Variants in ADGRV1 observed in about 807,000 individuals in gnomAD.
The protein encoded by ADGRV1 is adhesion G protein-coupled receptor V1.
ADGRV1 carries 359 observed loss-of-function variants against 596.2 expected under a neutral mutation model. That is an observed-to-expected ratio of 0.60 (90% CI 0.55 to 0.66). ADGRV1 has a LOEUF of 0.66. ADGRV1 is among the 30% of genes least tolerant of loss of function. ADGRV1 has a pLI of 0.00. For missense variants in ADGRV1, 7,274 were observed against 7,575.6 expected, an observed-to-expected ratio of 0.96 and a Z score of 1.48; for synonymous variants, 2,681 against 2,679.2, an observed-to-expected ratio of 1.00 and a Z score of -0.02.
chr5:90,587,667 C>T (rs1758947703), intron 1 of ADGRV1, among the ~76,000 whole-genome samples: 1 of 151,498 alleles, frequency 6.6e-6, no homozygotes, highest in Non-Finnish European at 1.5e-5. Context: ...AGCTATTCCT[C>T]CTGCTTCAGC....
intron 2 of ADGRV1, 40 bp downstream of exon 2, chr5:90,615,059 A>G (rs1341833301): frequency 6.4e-6 from 8 of 1,250,724 alleles, no homozygotes; most frequent in Middle Eastern, 5.0e-4. Flanking sequence ...TGAAATAGAT[A>G]TGACGTTTCT....
At chr5:90,664,981 T>C (rs1771058542) in intron 21 of ADGRV1, among the ~76,000 whole-genome samples, 1 of 152,016 alleles carries the variant, frequency 6.6e-6, no homozygotes. Context: ...TCATGGTAGA[T>C]AAGCTTTTTG....
At chr5:90,781,307 A>C in intron 64 of ADGRV1, 123 bp from the exon 65 acceptor site, 2 of 744,920 alleles carry the variant, frequency 2.7e-6, no homozygotes, top group Non-Finnish European at 4.7e-6. Context: ...CTTTAAAAGT[A>C]TTGCAGTACT....
chr5:90,600,309 C>G (rs573853400), intron 1 of ADGRV1, among the ~76,000 whole-genome samples: 1 of 152,302 alleles, frequency 6.6e-6, no homozygotes, highest in South Asian at 2.1e-4. Context: ...CCCCCTTCCC[C>G]CCACCTCACA....
At chr5:91,113,972 A>G (rs1026217584) in intron 87 of ADGRV1, among the ~76,000 whole-genome samples, 7 of 152,144 alleles carry the variant, frequency 4.6e-5, no homozygotes, top group African/African-American at 1.7e-4. Flanking sequence ...TAATCCCAGC[A>G]CTTTGGGAAG....
At chr5:90,939,589 G>A (rs1288386130) in intron 83 of ADGRV1, among the ~76,000 whole-genome samples, 1 of 152,152 alleles carries the variant, frequency 6.6e-6, no homozygotes, top group Admixed American at 6.5e-5. Context: ...AAAGTACTAT[G>A]AAAGCAAATG....
intron 21 of ADGRV1, among the ~76,000 whole-genome samples, chr5:90,671,622 G>A (rs1772477949): frequency 6.6e-6 from 1 of 152,090 alleles, no homozygotes; most frequent in Non-Finnish European, 1.5e-5. Flanking sequence ...GCACCAAAAT[G>A]GCTCTATCTT....
Position 90,637,834 on chromosome 5 carries a change from C to G in ADGRV1, c.2126C>G (p.Pro709Arg). 2 of 1,613,652 alleles carry G rather than the reference C, an allele frequency of 1.2e-6. No individual in the cohort carries two copies. Among genetic ancestry groups the G allele is most frequent in the Non-Finnish European group, 8.5e-7 (1 of 1,179,742 alleles). ...GCAGTGACCCCGGATGATATAGGCC[C>G]CTTTAATGGCTCTGTTTTGTTTTTA... ...SKAVTPDDIG[P>R]FNGSVLFLSG... Residue 709 changes from proline (P) to arginine (R), a missense_variant, in exon 11 of 90, where the codon CCC (proline) becomes CGC (arginine). Pro to Arg is a moderately radical substitution (Grantham distance 103). Transcript: ENST00000405460.
intron 83 of ADGRV1, among the ~76,000 whole-genome samples, chr5:90,878,842 C>G (rs1025052569): frequency 6.6e-6 from 1 of 152,220 alleles, no homozygotes; most frequent in Non-Finnish European, 1.5e-5. Context: ...GCACTTTACA[C>G]TTTCCCCACT....
intron 83 of ADGRV1, among the ~76,000 whole-genome samples, chr5:90,942,799 T>A (rs1776268159): frequency 6.6e-6 from 1 of 152,262 alleles, no homozygotes; most frequent in East Asian, 1.9e-4. Flanking sequence ...CAAAACCCAT[T>A]TTGAGGCAGA....
intron 83 of ADGRV1, among the ~76,000 whole-genome samples, chr5:90,960,087 C>G (rs1240710265): frequency 4.3e-4 from 63 of 147,806 alleles, no homozygotes; most frequent in African/African-American, 1.5e-3. Flanking sequence ...TGCAGTGAGC[C>G]GAGATCGCGC....
intron 45 of ADGRV1, among the ~76,000 whole-genome samples, chr5:90,721,599 T>G (rs1533603): frequency 0.8 from 96,088 of 119,478 alleles, 37,970 homozygotes; most frequent in African/African-American, 0.91. Context: ...AATATGTATT[T>G]AGTGCCTATG....
intron 84 of ADGRV1, among the ~76,000 whole-genome samples, chr5:90,983,998 ACTGT>A (rs1368528848): frequency 6.6e-6 from 1 of 152,176 alleles, no homozygotes; most frequent in Admixed American, 6.6e-5. Flanking sequence ...TGTCTTTCAC[ACTGT>A]CTGACCTCTT....
intron 86 of ADGRV1, among the ~76,000 whole-genome samples, chr5:91,095,532 G>A (rs1044459436): frequency 1.3e-5 from 2 of 152,100 alleles, no homozygotes; most frequent in Non-Finnish European, 2.9e-5. Context: ...TTTATTTGCT[G>A]AGAACAGTGG....
intron 84 of ADGRV1, among the ~76,000 whole-genome samples, chr5:90,968,751 G>A (rs574885089): frequency 6.6e-6 from 1 of 152,186 alleles, no homozygotes; most frequent in South Asian, 2.1e-4. Flanking sequence ...TATGTAGAAG[G>A]TTAGACTATT....
chr5:90,567,136 TC>T (rs1484900194), intron 1 of ADGRV1, among the ~76,000 whole-genome samples: 22 of 152,200 alleles, frequency 1.4e-4, no homozygotes, highest in African/African-American at 5.3e-4. Context: ...AATGTAGCAT[TC>T]TTGGATAGAT....
In ADGRV1 at chr5:90,829,032, T is replaced by A; in HGVS notation, c.16457T>A (p.Ile5486Asn). 1 of 1,612,686 alleles carries A rather than the reference T, an allele frequency of 6.2e-7. No individual in the cohort carries two copies. Among genetic ancestry groups the A allele is most frequent in the Non-Finnish European group, 8.5e-7 (1 of 1,179,108 alleles). Reference sequence around the variant, plus strand: ...AACAACAGTGCCAGATTCGCACAGATTAAAATCTTAGAAAGTGATGAATCT... The same window carrying A: ...AACAACAGTGCCAGATTCGCACAGAATAAAATCTTAGAAAGTGATGAATCT... The part of the protein sequence containing the change: ...AINNSARFAQ[I>N]KILESDESQS... Residue 5486 changes from isoleucine (I) to asparagine (N), a missense_variant, in exon 77 of 90, where the codon ATT becomes AAT. Around this residue, in one of 5 missense-constraint regions of ADGRV1, gnomAD observed 1,874 missense variants for 1,970.2 expected, o/e 0.95. Coordinates refer to ENST00000405460, the MANE Select transcript of ADGRV1 (RefSeq NM_032119.4).
chr5:90,763,477 C>A lies in ADGRV1; in HGVS notation c.12285+8C>A, dbSNP rs949183824. 2 of 1,600,386 alleles carry A rather than the reference C, an allele frequency of 1.2e-6. No individual in the cohort carries two copies. The highest frequency in any genetic ancestry group is 2.7e-5 in the African/African-American group (2 of 74,628). ...ACCCTTCATTTTGATGAGGTATAGT[C>A]AGCATTAGCACTCCTGTAATTTTTC... is the stretch of plus-strand genomic sequence containing the variant. On this transcript the variant is annotated splice_region_variant and intron_variant, in intron 59 of 89. Coordinates refer to ENST00000405460, the MANE Select transcript of ADGRV1 (RefSeq NM_032119.4).
intron 70 of ADGRV1, among the ~76,000 whole-genome samples, chr5:90,798,660 C>T (rs370657133): frequency 3.9e-5 from 6 of 152,084 alleles, no homozygotes; most frequent in African/African-American, 7.2e-5. Context: ...TGATGAACAT[C>T]GATGAGAAAA....
Sources: gnomAD v4.1 joint callset for allele counts (sites outside exome capture counted in the v4.1 genomes callset) on GRCh38, gnomAD v4.1.1 for gene constraint, gnomAD v4.1.1 regional missense constraint, MANE v1.5 for transcripts, NCBI Gene and HGNC (gene_info 2026-07-23, HGNC 2026-07-21) for gene names.